Variants in EYS observed in about 807,000 individuals in gnomAD.
EYS encodes protein eyes shut homolog.
EYS carries 250 observed loss-of-function variants against 282.1 expected under a neutral mutation model. The ratio of observed to expected loss-of-function variants is 0.89; its 90% CI spans 0.80 to 0.98. The LOEUF (loss-of-function observed/expected upper bound fraction) is 0.98. EYS is among the 50% of genes least tolerant of loss of function. The pLI, the probability that EYS is intolerant of heterozygous loss-of-function variation, is 0.00. For missense variants in EYS, 4,016 were observed against 3,709.0 expected, an observed-to-expected ratio of 1.08 and a Z score of -2.15; for synonymous variants, 1,355 against 1,282.9, an observed-to-expected ratio of 1.06 and a Z score of -1.20.
intron 29 of EYS, among the ~76,000 whole-genome samples, chr6:64,354,505 G>A (rs1771755695): frequency 6.6e-6 from 1 of 151,548 alleles, no homozygotes; most frequent in African/African-American, 2.4e-5. Flanking sequence ...AGAATGTTAA[G>A]TGTTTTCTTT....
At chr6:64,706,202 C>T (rs1032026620) in intron 22 of EYS, among the ~76,000 whole-genome samples, 3 of 151,878 alleles carry the variant, frequency 2.0e-5, no homozygotes, top group Non-Finnish European at 4.4e-5. Context: ...ACAAAGCAAA[C>T]AAAAACATTA....
chr6:64,227,711 G>A (rs1456305485), intron 31 of EYS, among the ~76,000 whole-genome samples: 5 of 151,974 alleles, frequency 3.3e-5, no homozygotes. Context: ...ATAATATTAT[G>A]CAAATTTCAT....
intron 14 of EYS, among the ~76,000 whole-genome samples, chr6:64,989,888 C>T (rs66591902): frequency 0.27 from 39,932 of 149,736 alleles, 6,677 homozygotes; most frequent in African/African-American, 0.46. Flanking sequence ...GGTTTCAGCT[C>T]AAGAGCTTGA....
rs376473121 is a variant in EYS at position 64,236,412 on chromosome 6, G to A, written c.6192-5588C>T. On this transcript the variant is annotated intron_variant, in intron 30 of 42. Transcript: ENST00000503581. ...TTCATGTTCAGATTTTTGTCTGGATGTATGTTTCCATTTCTCTTGGATATG... is the reference window on the plus strand; with the variant it reads ...TTCATGTTCAGATTTTTGTCTGGATATATGTTTCCATTTCTCTTGGATATG... 1.7e-4 allele frequency among the ~76,000 whole-genome samples: 26 copies of A among 152,238 alleles called. No individual in the cohort carries two copies. The East Asian group carries it at 2.1e-3, about 12-fold the overall frequency.
chr6:65,045,201 C>T (rs1341760360), intron 13 of EYS, among the ~76,000 whole-genome samples: 4 of 151,816 alleles, frequency 2.6e-5, no homozygotes, highest in African/African-American at 9.7e-5. Context: ...GTGTGCTCTC[C>T]TAAGTCCACA....
chr6:64,305,688 G>C (rs960147318), intron 30 of EYS, among the ~76,000 whole-genome samples: 10 of 152,092 alleles, frequency 6.6e-5, no homozygotes, highest in African/African-American at 2.4e-4. Context: ...ACATACAACA[G>C]AATGACCCAA....
At chr6:64,370,303 G>C (rs1772320588) in intron 29 of EYS, among the ~76,000 whole-genome samples, 1 of 151,920 alleles carries the variant, frequency 6.6e-6, no homozygotes, top group Non-Finnish European at 1.5e-5. Flanking sequence ...TTTTAATTCT[G>C]TTTATGTGGT....
intron 12 of EYS, among the ~76,000 whole-genome samples, chr6:65,065,228 G>T (rs1773708950): frequency 6.6e-6 from 1 of 152,088 alleles, no homozygotes; most frequent in East Asian, 1.9e-4. Context: ...CTTATAAATT[G>T]AAAATTTTCT....
At chr6:64,904,846 A>G (rs1223804991) in intron 16 of EYS, among the ~76,000 whole-genome samples, 1 of 152,136 alleles carries the variant, frequency 6.6e-6, no homozygotes, top group Admixed American at 6.5e-5. Context: ...TAAGTTTGAC[A>G]TTTCTGAGAT....
intron 13 of EYS, among the ~76,000 whole-genome samples, chr6:65,040,207 T>C (rs1174171428): frequency 2.0e-5 from 3 of 151,924 alleles, no homozygotes; most frequent in Middle Eastern, 3.4e-3. Context: ...ACAACAAAAA[T>C]TTATTGTTTC....
chr6:64,714,115 C>T (rs1439312211), intron 22 of EYS, among the ~76,000 whole-genome samples: 1 of 152,228 alleles, frequency 6.6e-6, no homozygotes, highest in East Asian at 1.9e-4. Flanking sequence ...ATGTGGTCTG[C>T]ATTACAATGA....
chr6:65,258,782 T>C (rs2150256542), intron 12 of EYS, among the ~76,000 whole-genome samples: 1 of 152,182 alleles, frequency 6.6e-6, no homozygotes, highest in Middle Eastern at 3.4e-3. Flanking sequence ...AAATCTACCA[T>C]ATGTTTAAGG....
chr6:65,584,874 G>C (rs979426324), intron 2 of EYS, among the ~76,000 whole-genome samples: 5 of 148,776 alleles, frequency 3.4e-5, no homozygotes, highest in Non-Finnish European at 7.4e-5. Flanking sequence ...TAAGAAGTTA[G>C]CACTATGGGA....
chr6:63,835,303 A>G (rs1421076343), intron 36 of EYS, among the ~76,000 whole-genome samples: 1 of 151,296 alleles, frequency 6.6e-6, no homozygotes, highest in African/African-American at 2.4e-5. Flanking sequence ...ATATACATAC[A>G]TATATACTCT....
chr6:64,168,183 C>A (rs1012105451), intron 31 of EYS, among the ~76,000 whole-genome samples: 3 of 152,156 alleles, frequency 2.0e-5, no homozygotes, highest in Non-Finnish European at 2.9e-5. Context: ...ATGGCGTGAA[C>A]CCGGGAGGGG....
At chr6:63,857,547 T>C in intron 36 of EYS, 1 of 277,894 alleles carries the variant, frequency 3.6e-6, no homozygotes. Flanking sequence ...GCTAGCTCTG[T>C]CAAGTGGTAG....
intron 31 of EYS, among the ~76,000 whole-genome samples, chr6:64,173,915 AC>A (rs2150308387): frequency 6.6e-6 from 1 of 152,138 alleles, no homozygotes; most frequent in South Asian, 2.1e-4. Context: ...GATGGGAACA[AC>A]CTGAGTGTTC....
chr6:65,030,878 C>A (rs2150143724), intron 13 of EYS, among the ~76,000 whole-genome samples: 1 of 152,174 alleles, frequency 6.6e-6, no homozygotes, highest in South Asian at 2.1e-4. Flanking sequence ...AGAAATAAGA[C>A]CCAACTGTAT....
chr6:64,987,654 G>A (rs1302594640), intron 14 of EYS, among the ~76,000 whole-genome samples: 6 of 151,460 alleles, frequency 4.0e-5, no homozygotes, highest in South Asian at 2.1e-4. Context: ...TATATTCCCC[G>A]TGTCTCCTTG....
Sources: gnomAD v4.1 joint callset for allele counts (sites outside exome capture counted in the v4.1 genomes callset) on GRCh38, gnomAD v4.1.1 for gene constraint, MANE v1.5 for transcripts, NCBI Gene and HGNC (gene_info 2026-07-23, HGNC 2026-07-21) for gene names.